The following HS3ST4 variants were observed in gnomAD, a reference collection of about 807,000 sequenced individuals.
HS3ST4 encodes the protein heparan sulfate glucosamine 3-O-sulfotransferase 4.
Under a neutral mutation model 29.2 loss-of-function variants are expected in HS3ST4, and 17 were observed. That is an observed-to-expected ratio of 0.58 (90% CI 0.40 to 0.87). The LOEUF (loss-of-function observed/expected upper bound fraction) is 0.87. HS3ST4 is among the 40% of genes least tolerant of loss of function. The pLI, the probability that HS3ST4 is intolerant of heterozygous loss-of-function variation, is 0.00. For missense variants in HS3ST4, 627 were observed against 634.5 expected, an observed-to-expected ratio of 0.99 and a Z score of 0.13; for synonymous variants, 314 against 285.7, an observed-to-expected ratio of 1.10 and a Z score of -1.00.
At chr16:25,982,196 C>T (rs1475427980) in intron 1 of HS3ST4, among the ~76,000 whole-genome samples, 6 of 152,284 alleles carry the variant, frequency 3.9e-5, no homozygotes, top group South Asian at 2.1e-4. Flanking sequence ...TGAAGGACGG[C>T]GAGAGAGACG....
chr16:25,759,165 G>A (rs536074733), intron 1 of HS3ST4, among the ~76,000 whole-genome samples: 1 of 152,268 alleles, frequency 6.6e-6, no homozygotes, highest in Non-Finnish European at 1.5e-5. Flanking sequence ...CAGTCATTCA[G>A]GTGACTGACA....
intron 1 of HS3ST4, among the ~76,000 whole-genome samples, chr16:25,900,857 G>C (rs1014590392): frequency 3.3e-5 from 5 of 152,180 alleles, no homozygotes; most frequent in South Asian, 4.2e-4. Context: ...AAAATAAAGA[G>C]AGTTGAAGAT....
At chr16:25,778,064 T>C (rs747489868) in intron 1 of HS3ST4, among the ~76,000 whole-genome samples, 17 of 152,138 alleles carry the variant, frequency 1.1e-4, no homozygotes, top group Non-Finnish European at 1.6e-4. Context: ...GGGTGACTTA[T>C]TTTTCAGTAT....
chr16:25,906,718 G>T (rs1398439632), intron 1 of HS3ST4, among the ~76,000 whole-genome samples: 2 of 152,186 alleles, frequency 1.3e-5, no homozygotes, highest in African/African-American at 4.8e-5. Flanking sequence ...TAACTAGTTT[G>T]CTGAGCAAAT....
At chr16:25,864,015 G>A (rs987972698) in intron 1 of HS3ST4, among the ~76,000 whole-genome samples, 6 of 152,096 alleles carry the variant, frequency 3.9e-5, no homozygotes, top group Non-Finnish European at 8.8e-5. Flanking sequence ...GCTGCCTGCC[G>A]CCTCTTCGCC....
In HS3ST4 at chr16:25,892,460, A is replaced by G. The variant is rs192028560; in HGVS notation, c.734+199309A>G. 2.2e-3 allele frequency among the ~76,000 whole-genome samples: 336 copies of G among 152,330 alleles called. 1 individual carries two copies. Among genetic ancestry groups the G allele is most frequent in the African/African-American group, 7.9e-3 (328 of 41,580 alleles). The stretch of plus-strand genomic sequence containing the variant: ...TGGAACTAAGCCATGTTAAGTCAAC[A>G]GTGAGTGACAGAGGACAGCAGCCTA... On this transcript the variant is annotated intron_variant, in intron 1 of 1. Transcript: ENST00000331351.
chr16:26,128,158 A>C (rs1434804815), intron 1 of HS3ST4, among the ~76,000 whole-genome samples: 1 of 152,014 alleles, frequency 6.6e-6, no homozygotes, highest in African/African-American at 2.4e-5. Flanking sequence ...CTGAGATTTG[A>C]CACTTATCAT....
chr16:25,861,818 A>G (rs1967640378), intron 1 of HS3ST4, among the ~76,000 whole-genome samples: 1 of 152,180 alleles, frequency 6.6e-6, no homozygotes, highest in Non-Finnish European at 1.5e-5. Flanking sequence ...TAGTTTTTGA[A>G]ATTTACATGA....
intron 1 of HS3ST4, among the ~76,000 whole-genome samples, chr16:25,694,972 C>T (rs1966283579): frequency 6.6e-6 from 1 of 152,102 alleles, no homozygotes; most frequent in African/African-American, 2.4e-5. Flanking sequence ...GAAGTCTTAT[C>T]ACTGGGTCTG....
chr16:25,829,993 T>C (rs543341074), intron 1 of HS3ST4, among the ~76,000 whole-genome samples: 5 of 151,994 alleles, frequency 3.3e-5, no homozygotes, highest in African/African-American at 1.2e-4. Flanking sequence ...CTGGCTAATT[T>C]TTTGGATTTT....
rs568792827 is a variant in HS3ST4 at position 26,013,118 on chromosome 16, C to T, written c.735-122494C>T. ...GCAAGAGGTTGCACTGAGCTGAGAT[C>T]GTGCCACTGTACTCTAGCCTGGTGA... On this transcript the variant is annotated intron_variant, in intron 1 of 1. Coordinates refer to ENST00000331351, the MANE Select transcript of HS3ST4 (RefSeq NM_006040.3). Among the ~76,000 whole-genome samples, 10 of 152,036 alleles carry T rather than the reference C, an allele frequency of 6.6e-5. No homozygotes were observed. In the East Asian group the frequency reaches 1.5e-3, roughly 23 times the overall value.
intron 1 of HS3ST4, among the ~76,000 whole-genome samples, chr16:25,772,943 A>T (rs1438247732): frequency 1.3e-5 from 2 of 152,204 alleles, no homozygotes; most frequent in Non-Finnish European, 2.9e-5. Context: ...TCTGCTAGGT[A>T]GGTACCTTTG....
chr16:25,860,406 T>C (rs1967624802), intron 1 of HS3ST4, among the ~76,000 whole-genome samples: 2 of 152,178 alleles, frequency 1.3e-5, no homozygotes. Context: ...AACCTGCACA[T>C]GAGTGTTTAT....
At chr16:25,999,759 TTTATATATATATTTATATATA>T (rs1413555692) in intron 1 of HS3ST4, among the ~76,000 whole-genome samples, 2 of 139,820 alleles carry the variant, frequency 1.4e-5, no homozygotes, top group South Asian at 2.1e-4. Flanking sequence ...ATATGTATAT[TTTATATATATATTTATATATA>T]TTATATATAT....
At chr16:25,837,422 G>A (rs944724630) in intron 1 of HS3ST4, among the ~76,000 whole-genome samples, 2 of 152,166 alleles carry the variant, frequency 1.3e-5, no homozygotes, top group Non-Finnish European at 2.9e-5. Context: ...AATTTTCCAG[G>A]AACTCTTAAG....
intron 1 of HS3ST4, among the ~76,000 whole-genome samples, chr16:26,119,273 A>T (rs1396666058): frequency 6.6e-6 from 1 of 152,220 alleles, no homozygotes; most frequent in African/African-American, 2.4e-5. Context: ...ATTTAGAGGA[A>T]CAAGACAGGG....
At chr16:25,752,510 A>AG (rs1346795519) in intron 1 of HS3ST4, among the ~76,000 whole-genome samples, 3 of 152,244 alleles carry the variant, frequency 2.0e-5, no homozygotes, top group African/African-American at 7.2e-5. Flanking sequence ...TAAAAGAGGG[A>AG]GGAAAAAAAA....
At chr16:25,900,703 G>A (rs1049802901) in intron 1 of HS3ST4, among the ~76,000 whole-genome samples, 3 of 152,030 alleles carry the variant, frequency 2.0e-5, no homozygotes, top group Admixed American at 1.3e-4. Context: ...GCAGGGCAAT[G>A]GTAAAACATA....
intron 1 of HS3ST4, among the ~76,000 whole-genome samples, chr16:26,051,120 G>A (rs990455054): frequency 5.9e-5 from 9 of 152,006 alleles, no homozygotes; most frequent in Non-Finnish European, 1.0e-4. Flanking sequence ...CCCAACAAGC[G>A]TGCAAGGCTC....
Sources: allele counts gnomAD v4.1 joint callset (sites outside exome capture counted in the v4.1 genomes callset), GRCh38; gene constraint gnomAD v4.1.1; transcripts MANE v1.5; gene names NCBI Gene and HGNC (gene_info 2026-07-23, HGNC 2026-07-21).